The following DIS3L2 variants were observed in gnomAD, a reference collection of about 807,000 sequenced individuals.
DIS3L2 encodes the protein DIS3 like 3'-5' exoribonuclease 2.
In DIS3L2, 34 loss-of-function variants were observed where a neutral mutation model predicts 97.5. The observed-to-expected ratio is 0.35, with a 90% CI of 0.27 to 0.46. The LOEUF (loss-of-function observed/expected upper bound fraction) is 0.46, where lower values mean the gene tolerates loss of function less well. Among genes scored for constraint, DIS3L2 ranks in the 20% least tolerant of loss-of-function variants. The pLI is 1.00. For missense variants in DIS3L2, 1,038 were observed against 1,146.0 expected (o/e 0.91, Z 1.36); for synonymous variants, 435 against 445.2 (o/e 0.98, Z 0.29).
At chr2:232,257,922 A>G (rs966408832) in intron 12 of DIS3L2, among the ~76,000 whole-genome samples, 1 of 152,176 alleles carries the variant, frequency 6.6e-6, no homozygotes, top group East Asian at 1.9e-4. Context: ...CTTTAACTGG[A>G]TCTGGTCTTG....
chr2:232,052,050 G>A (rs1049262789), intron 5 of DIS3L2, among the ~76,000 whole-genome samples: 7 of 149,886 alleles, frequency 4.7e-5, no homozygotes, highest in Middle Eastern at 3.2e-3. Flanking sequence ...TTGAGATGGA[G>A]TTTCCTTCTG....
At chr2:232,339,676 G>A, downstream of DIS3L2, 1 of 456,124 alleles carries the variant, frequency 2.2e-6, no homozygotes, top group Non-Finnish European at 4.4e-6. Flanking sequence ...CTGCAGCTGG[G>A]CAGTAGAACA....
At chr2:232,329,785 T>TGCCGGGGGGCGC in intron 14 of DIS3L2, 28 bp from the exon 15 acceptor site, 2 of 967,144 alleles carry the variant, frequency 2.1e-6, no homozygotes, top group Non-Finnish European at 2.9e-6. Flanking sequence ...ACCCCAGCGG[T>TGCCGGGGGGCGC]CCCTCCCATC....
At chr2:232,032,732 A>G (rs1434293246) in intron 5 of DIS3L2, among the ~76,000 whole-genome samples, 1 of 152,172 alleles carries the variant, frequency 6.6e-6, no homozygotes, top group Admixed American at 6.5e-5. Flanking sequence ...TCCCAGCACC[A>G]TTTATTAAGT....
chr2:232,056,041 C>T (rs898748022), intron 5 of DIS3L2, among the ~76,000 whole-genome samples: 1 of 152,120 alleles, frequency 6.6e-6, no homozygotes, highest in Admixed American at 6.5e-5. Flanking sequence ...ACCATATTTT[C>T]ATGACTTTAG....
chr2:232,298,741 C>T (rs1474202140), intron 13 of DIS3L2, among the ~76,000 whole-genome samples: 1 of 152,152 alleles, frequency 6.6e-6, no homozygotes, highest in Non-Finnish European at 1.5e-5. Flanking sequence ...TAGTTAAAAT[C>T]TCCCTAGTGC....
chr2:232,055,502 G>T (rs1695522693), intron 5 of DIS3L2, among the ~76,000 whole-genome samples: 1 of 152,136 alleles, frequency 6.6e-6, no homozygotes, highest in Non-Finnish European at 1.5e-5. Flanking sequence ...CTAACTAAAT[G>T]GTCATGGACT....
At position 232,037,041 on chromosome 2, in the gene DIS3L2, T is replaced by G. The variant is rs1388963682; in HGVS notation, c.366+6961T>G. On this transcript the variant is annotated intron_variant, in intron 5 of 20. Coordinates refer to ENST00000325385, the MANE Select transcript of DIS3L2 (RefSeq NM_152383.5). This position sits in a 1 kb window ranked among gnomAD's most constrained non-coding sequence, Gnocchi z 4.6. The stretch of plus-strand genomic sequence containing the variant: ...GGAGGCAATCTGAGGAGGCAATCTG[T>G]CCCTTAGCAGAGCTAGAGCGCTGTG... 1.3e-5 allele frequency among the ~76,000 whole-genome samples: 2 copies of G among 152,226 alleles called. No individual in the cohort carries two copies. Among genetic ancestry groups the G allele is most frequent in the Non-Finnish European group, 2.9e-5 (2 of 68,038 alleles).
At chr2:232,021,753 A>G (rs937382062) in intron 3 of DIS3L2, among the ~76,000 whole-genome samples, 2 of 152,166 alleles carry the variant, frequency 1.3e-5, no homozygotes, top group African/African-American at 4.8e-5. Flanking sequence ...TTGAAAGAGA[A>G]TGGAGGAAAA....
chr2:232,270,860 G>GTCTCTCTCTCTC (rs71056262), intron 13 of DIS3L2, among the ~76,000 whole-genome samples: 114 of 103,826 alleles, frequency 1.1e-3, no homozygotes, highest in East Asian at 2.7e-3. Context: ...TCTTTTTCTC[G>GTCTCTCTCTCTC]TCTCTCTCTC....
At chr2:232,116,283 C>T (rs888905107) in intron 6 of DIS3L2, among the ~76,000 whole-genome samples, 1 of 152,132 alleles carries the variant, frequency 6.6e-6, no homozygotes, top group African/African-American at 2.4e-5. Flanking sequence ...AGGGAAGGCT[C>T]GAGCCAGTCA....
chr2:232,090,873 A>G (rs1348454942), intron 6 of DIS3L2, among the ~76,000 whole-genome samples: 2 of 152,272 alleles, frequency 1.3e-5, no homozygotes, highest in Non-Finnish European at 2.9e-5. Flanking sequence ...TCTTTGTGAT[A>G]ACTACCAGTT....
chr2:232,284,647 C>T (rs968035021), intron 13 of DIS3L2, among the ~76,000 whole-genome samples: 26 of 152,096 alleles, frequency 1.7e-4, no homozygotes, highest in African/African-American at 6.0e-4. Context: ...ATGGACATGC[C>T]CCATGTGGTC....
intron 10 of DIS3L2, among the ~76,000 whole-genome samples, chr2:232,233,567 A>C (rs1163269192): frequency 2.0e-5 from 3 of 152,172 alleles, no homozygotes; most frequent in Non-Finnish European, 4.4e-5. Flanking sequence ...TTATGTGAGG[A>C]GTGTCCTGCT....
intron 13 of DIS3L2, among the ~76,000 whole-genome samples, chr2:232,283,872 A>T (rs1287178510): frequency 6.6e-6 from 1 of 152,134 alleles, no homozygotes; most frequent in Non-Finnish European, 1.5e-5. Context: ...ACACAAATGT[A>T]CGTGTGTGAC....
rs1694284404 is a variant in DIS3L2 at position 232,281,545 on chromosome 2, G to A, written c.1659+18105G>A. Among the ~76,000 whole-genome samples, 1 of 152,206 alleles carries A rather than the reference G, an allele frequency of 6.6e-6. No individual in the cohort carries two copies. Among genetic ancestry groups the A allele is most frequent in the South Asian group, 2.1e-4 (1 of 4,832 alleles). On this transcript the variant is annotated intron_variant, in intron 13 of 20. Coordinates refer to ENST00000325385, the MANE Select transcript of DIS3L2 (RefSeq NM_152383.5). This position sits in a 1 kb window ranked among gnomAD's most constrained non-coding sequence, Gnocchi z 4.1. ...AGAGAATGAGTTGGAAGGGGTCAAG[G>A]TGTAGACATCAAGGAAGCCAGTTAG...
intron 8 of DIS3L2, among the ~76,000 whole-genome samples, chr2:232,149,528 C>T (rs1044001506): frequency 6.7e-6 from 1 of 149,586 alleles, no homozygotes; most frequent in African/African-American, 2.5e-5. Context: ...GATATGAACT[C>T]ATCATTTTTA....
chr2:232,201,476 G>A (rs766107545), intron 9 of DIS3L2, among the ~76,000 whole-genome samples: 1 of 152,172 alleles, frequency 6.6e-6, no homozygotes, highest in Non-Finnish European at 1.5e-5. Flanking sequence ...GAATAAAAAA[G>A]CAATGTTATA....
chr2:232,106,477 A>G (rs1280196983), intron 6 of DIS3L2, among the ~76,000 whole-genome samples: 1 of 152,222 alleles, frequency 6.6e-6, no homozygotes, highest in Non-Finnish European at 1.5e-5. Context: ...AGGGCATTAC[A>G]TAATGGTAAA....
Sources: allele counts gnomAD v4.1 joint callset (sites outside exome capture counted in the v4.1 genomes callset), GRCh38; gene constraint gnomAD v4.1.1; non-coding constraint Gnocchi (gnomAD v3.1); transcripts MANE v1.5; gene names NCBI Gene and HGNC (gene_info 2026-07-23, HGNC 2026-07-21).